The following INTS8 variants were observed in gnomAD, a reference collection of about 807,000 sequenced individuals.
The protein encoded by INTS8 is integrator complex subunit 8.
A neutral mutation model predicts 138.9 loss-of-function variants in INTS8; 47 were observed. That is an observed-to-expected ratio of 0.34 (90% CI 0.27 to 0.43). The LOEUF is 0.43. Among genes scored for constraint, INTS8 ranks in the 20% least tolerant of loss-of-function variants. The probability of loss-of-function intolerance (pLI) is 1.00; values close to 1 mark genes in which losing one functional copy is unlikely to be tolerated. For synonymous variants in INTS8, 392 were observed against 400.9 expected, an observed-to-expected ratio of 0.98 and a Z score of 0.27; for missense variants, 996 against 1,173.0, an observed-to-expected ratio of 0.85 and a Z score of 2.20.
At chr8:94,866,950 G>C in intron 18 of INTS8, 190 bp from the exon 19 acceptor site, 2 of 529,152 alleles carry the variant, frequency 3.8e-6, no homozygotes, top group Non-Finnish European at 6.8e-6. Flanking sequence ...TATGTGCTAT[G>C]GTCCACGCCC....
At position 94,867,449 on chromosome 8, in the gene INTS8, TCTACAGTC is replaced by T. The variant is rs1357607611; in HGVS notation, c.2414+113_2414+120del. 1.2e-5 allele frequency: 9 copies of T among 747,790 alleles called. No individual in the cohort carries two copies. In the African/African-American group the frequency reaches 1.6e-4, roughly 13 times the overall value. The allele number at this position is 747,790 out of a possible 1,614,324, so 46.3% of individuals were successfully genotyped here. A position where few individuals can be genotyped will look rare whatever the true frequency, so the allele number is the denominator to read the frequency against. ...TATTAAAGGGCCAGAAATCTAAGAT[TCTACAGTC>T]TTTGTGTTTCTCTATTATGATAATG... On this transcript the variant is annotated intron_variant, in intron 20 of 26. Transcript: ENST00000523731.
At chr8:94,871,477 C>CA (rs35614739) in intron 20 of INTS8, among the ~76,000 whole-genome samples, 5,468 of 128,956 alleles carry the variant, frequency 0.042, 109 homozygotes, top group Non-Finnish European at 0.056. Flanking sequence ...GACTCCGTCT[C>CA]AAAAAAAAAA....
rs1212085927 is a variant in INTS8, at chr8:94,865,705, G to A, written c.2261+15G>A. 5.0e-6 allele frequency: 8 copies of A among 1,602,502 alleles called. No individual in the cohort carries two copies. The highest frequency in any genetic ancestry group is 1.7e-5 in the Admixed American group (1 of 59,512). ...ATCATGTATCGGTATGTATTGGTACGTTTCTATTAGTTGTGTTTGAGTTCT... is the reference window on the plus strand; with the variant it reads ...ATCATGTATCGGTATGTATTGGTACATTTCTATTAGTTGTGTTTGAGTTCT... On this transcript the variant is annotated intron_variant, in intron 17 of 26. Coordinates refer to ENST00000523731, the MANE Select transcript of INTS8 (RefSeq NM_017864.4).
At chr8:94,826,743 A>G (rs1271827639) in intron 2 of INTS8, among the ~76,000 whole-genome samples, 2 of 151,612 alleles carry the variant, frequency 1.3e-5, no homozygotes, top group Non-Finnish European at 3.0e-5. Context: ...ATGATGGTAC[A>G]TAGGGGTTCA....
chr8:94,859,947 T>C, intron 16 of INTS8: 1 of 206,334 alleles, frequency 4.8e-6, no homozygotes, highest in Non-Finnish European at 9.9e-6. Context: ...ACTCTAGAAC[T>C]GATGGAGTCC....
At chr8:94,860,937 G>A (rs985339406) in intron 16 of INTS8, among the ~76,000 whole-genome samples, 44 of 150,944 alleles carry the variant, frequency 2.9e-4, no homozygotes, top group Non-Finnish European at 7.4e-5. Flanking sequence ...GGCTCCTGTA[G>A]TCCCAGCTAC....
intron 7 of INTS8, among the ~76,000 whole-genome samples, chr8:94,837,382 C>G (rs1028255509): frequency 1.3e-5 from 2 of 152,112 alleles, no homozygotes; most frequent in Non-Finnish European, 2.9e-5. Context: ...AAAATTCCCA[C>G]TTCAATCTGC....
At chr8:94,834,652 G>A (rs924892553) in intron 6 of INTS8, among the ~76,000 whole-genome samples, 3 of 150,142 alleles carry the variant, frequency 2.0e-5, no homozygotes, top group Non-Finnish European at 4.4e-5. Context: ...GCAGTGAGCC[G>A]AGATCACCCC....
intron 20 of INTS8, chr8:94,868,737 C>T (rs912395835): frequency 6.6e-6 from 1 of 151,860 alleles, no homozygotes; most frequent in Non-Finnish European, 1.5e-5. Context: ...GTGGTGAGGT[C>T]TCAGCTCACT....
chr8:94,842,615 C>G, intron 10 of INTS8, 127 bp downstream of exon 10: 1 of 674,178 alleles, frequency 1.5e-6, no homozygotes, highest in Admixed American at 3.0e-5. Context: ...ACAATTGGCA[C>G]TTTTGACAGA....
chr8:94,855,149 T>C (rs1001770310), intron 14 of INTS8, among the ~76,000 whole-genome samples: 3 of 152,200 alleles, frequency 2.0e-5, no homozygotes, highest in African/African-American at 7.2e-5. Context: ...CTCAAAGTAA[T>C]TCTGTTGCAT....
chr8:94,850,332 G>T (rs543483601), intron 12 of INTS8, among the ~76,000 whole-genome samples: 1 of 152,322 alleles, frequency 6.6e-6, no homozygotes. Context: ...GCTGGGGAAG[G>T]CTGGGCGTGG....
chr8:94,848,399 TG>T (rs1563653675), intron 10 of INTS8, among the ~76,000 whole-genome samples: 1 of 152,202 alleles, frequency 6.6e-6, no homozygotes, highest in Non-Finnish European at 1.5e-5. Context: ...TGCGTTTTAG[TG>T]TATTCCTAGA....
At chr8:94,851,288 TATTG>T (rs1815535473) in intron 12 of INTS8, among the ~76,000 whole-genome samples, 1 of 152,176 alleles carries the variant, frequency 6.6e-6, no homozygotes, top group African/African-American at 2.4e-5. Context: ...TTGCATGAAA[TATTG>T]ATTTTTATCT....
chr8:94,861,982 C>G (rs1015019322), intron 16 of INTS8, among the ~76,000 whole-genome samples: 8 of 152,016 alleles, frequency 5.3e-5, no homozygotes, highest in African/African-American at 1.7e-4. Context: ...CCTCTGTCGC[C>G]CAGGCTGGAG....
Position 94,827,423 on chromosome 8 carries a change from C to T in INTS8, c.446+20C>T. 1 of 1,613,370 alleles carries T rather than the reference C, an allele frequency of 6.2e-7. No individual in the cohort carries two copies. Among genetic ancestry groups the T allele is most frequent in the Non-Finnish European group, 8.5e-7 (1 of 1,179,622 alleles). On this transcript the variant is annotated intron_variant, in intron 3 of 26. Coordinates refer to ENST00000523731, the MANE Select transcript of INTS8 (RefSeq NM_017864.4). ...TAGATGGTAAATGTTTTCATAAACT[C>T]AGAAGGCGTTGGGCAACCTCTGTTT... is the stretch of plus-strand genomic sequence containing the variant.
In INTS8 at chr8:94,827,515, C is replaced by A. The variant is rs1586464142; in HGVS notation, c.446+112C>A. 8 of 1,305,946 alleles carry A rather than the reference C, an allele frequency of 6.1e-6. No homozygotes were observed. The East Asian group carries it at 1.8e-4, about 30-fold the overall frequency. The allele number at this position is 1,305,946 out of a possible 1,614,324, so 80.9% of individuals were successfully genotyped here. A position where few individuals can be genotyped will look rare whatever the true frequency, so the allele number is the denominator to read the frequency against. On this transcript the variant is annotated intron_variant, in intron 3 of 26. Coordinates refer to ENST00000523731, the MANE Select transcript of INTS8 (RefSeq NM_017864.4). ...ATTCTGCTGCAGGGATTTTTCAAAT[C>A]TGGGGAACTGTGAGTCTAATGGTGG...
At chr8:94,836,376 G>T in intron 6 of INTS8, 148 bp from the exon 7 acceptor site, 1 of 581,724 alleles carries the variant, frequency 1.7e-6, no homozygotes. Flanking sequence ...TTGTGACTAA[G>T]AACACTGGTG....
intron 2 of INTS8, among the ~76,000 whole-genome samples, chr8:94,826,782 G>GT (rs963288540): frequency 6.6e-6 from 1 of 152,110 alleles, no homozygotes; most frequent in Non-Finnish European, 1.5e-5. Flanking sequence ...TATGTTTTAC[G>GT]TTTTTTCATA....
Sources: allele counts gnomAD v4.1 joint callset (sites outside exome capture counted in the v4.1 genomes callset), GRCh38; gene constraint gnomAD v4.1.1; transcripts MANE v1.5; gene names NCBI Gene and HGNC (gene_info 2026-07-23, HGNC 2026-07-21).